CIMAP2: variants seen among roughly 807,000 people sequenced by gnomAD.
The protein encoded by CIMAP2 is ciliary microtubule associated protein 2.
At chr1:54,825,041 CTTTTTTTTTTTTT>C in the CIMAP2 span, among the ~76,000 whole-genome samples, 5 of 59,664 alleles carry the variant, frequency 8.4e-5, no homozygotes, top group African/African-American at 4.2e-4. Flanking sequence ...TAGGGAATTA[CTTTTTTTTTTTTT>C]TTTTTTTTTT....
the CIMAP2 span, among the ~76,000 whole-genome samples, chr1:54,821,753 A>G: frequency 6.6e-6 from 1 of 152,142 alleles, no homozygotes; most frequent in Admixed American, 6.5e-5. Flanking sequence ...TATTCTGACA[A>G]CTTTACTGAA....
the CIMAP2 span, among the ~76,000 whole-genome samples, chr1:54,838,236 A>C: frequency 1.3e-5 from 2 of 152,106 alleles, no homozygotes; most frequent in African/African-American, 4.8e-5. Flanking sequence ...TAATCCCAGC[A>C]CTTTGGGAGG....
At chr1:54,817,913 G>A in the CIMAP2 span, among the ~76,000 whole-genome samples, 1 of 152,204 alleles carries the variant, frequency 6.6e-6, no homozygotes, top group Non-Finnish European at 1.5e-5. Flanking sequence ...GCTGAGGAAG[G>A]AAAGATTTTT....
At chr1:54,823,097 A>G in the CIMAP2 span, among the ~76,000 whole-genome samples, 1 of 152,178 alleles carries the variant, frequency 6.6e-6, no homozygotes, top group Non-Finnish European at 1.5e-5. Flanking sequence ...CATTTGGTCT[A>G]TAGTGTAGAT....
At chr1:54,807,528 C>T in the CIMAP2 span, 206 of 1,551,320 alleles carry the variant, frequency 1.3e-4, 1 homozygote, top group South Asian at 2.1e-3. Flanking sequence ...TGACTCAGTC[C>T]CACATAGGCC....
chr1:54,826,656 G>C, the CIMAP2 span, among the ~76,000 whole-genome samples: 2 of 152,208 alleles, frequency 1.3e-5, no homozygotes, highest in Non-Finnish European at 2.9e-5. Flanking sequence ...CAAGGCCTGA[G>C]GGCTCTCCTG....
chr1:54,835,829 T>A, the CIMAP2 span, among the ~76,000 whole-genome samples: 1 of 151,524 alleles, frequency 6.6e-6, no homozygotes, highest in African/African-American at 2.4e-5. Flanking sequence ...CCAGGACTTC[T>A]CTCTCTCTGT....
At chr1:54,836,108 T>C in the CIMAP2 span, among the ~76,000 whole-genome samples, 2 of 151,718 alleles carry the variant, frequency 1.3e-5, no homozygotes, top group African/African-American at 4.8e-5. Flanking sequence ...CCCCTCTGCA[T>C]GTTTACTCTG....
At chr1:54,822,065 A>G in the CIMAP2 span, among the ~76,000 whole-genome samples, 1 of 136,426 alleles carries the variant, frequency 7.3e-6, no homozygotes, top group Non-Finnish European at 1.6e-5. Context: ...CGCCCGGCTA[A>G]TTTTTTGTAT....
At chr1:54,840,127 C>A in the CIMAP2 span, among the ~76,000 whole-genome samples, 10 of 151,348 alleles carry the variant, frequency 6.6e-5, no homozygotes, top group African/African-American at 2.4e-4. Context: ...TTCCCATCCC[C>A]CTTGTGCTAT....
At chr1:54,839,487 CTT>C in the CIMAP2 span, among the ~76,000 whole-genome samples, 8 of 152,130 alleles carry the variant, frequency 5.3e-5, no homozygotes, top group African/African-American at 1.7e-4. Context: ...AAGCGATTCT[CTT>C]GTCTCAGCCT....
chr1:54,810,544 C>T, the CIMAP2 span, among the ~76,000 whole-genome samples: 1 of 152,184 alleles, frequency 6.6e-6, no homozygotes, highest in Admixed American at 6.5e-5. Context: ...AGTGGCCTGA[C>T]TCCCCACGCA....
the CIMAP2 span, among the ~76,000 whole-genome samples, chr1:54,819,894 C>A: frequency 1.4e-5 from 2 of 139,298 alleles, no homozygotes; most frequent in Non-Finnish European, 3.1e-5. Flanking sequence ...CTTTCCCTTC[C>A]TTCCTTCTTT....
the CIMAP2 span, among the ~76,000 whole-genome samples, chr1:54,818,776 A>G: frequency 6.6e-5 from 10 of 151,918 alleles, no homozygotes; most frequent in Non-Finnish European, 1.3e-4. Flanking sequence ...TATTTTTTGT[A>G]GAGGCCAGGT....
chr1:54,825,565 G>C, the CIMAP2 span, among the ~76,000 whole-genome samples: 1 of 152,164 alleles, frequency 6.6e-6, no homozygotes, highest in African/African-American at 2.4e-5. Flanking sequence ...AGGTGGGCTA[G>C]TCCTCAGGGA....
the CIMAP2 span, among the ~76,000 whole-genome samples, chr1:54,821,030 A>G: frequency 6.6e-6 from 1 of 152,132 alleles, no homozygotes; most frequent in Non-Finnish European, 1.5e-5. Context: ...TGGCCTCCCA[A>G]AGTGCTAAGA....
chr1:54,832,343 T>C, the CIMAP2 span, among the ~76,000 whole-genome samples: 4 of 142,484 alleles, frequency 2.8e-5, no homozygotes, highest in Non-Finnish European at 6.1e-5. Context: ...TCTAAGAAAA[T>C]CTCATTTAAA....
At chr1:54,832,988 C>T in the CIMAP2 span, among the ~76,000 whole-genome samples, 2 of 151,906 alleles carry the variant, frequency 1.3e-5, no homozygotes, top group African/African-American at 4.8e-5. Context: ...GGTTGTGCCA[C>T]CACACTCCAG....
the CIMAP2 span, among the ~76,000 whole-genome samples, chr1:54,816,556 C>T: frequency 6.6e-6 from 1 of 152,128 alleles, no homozygotes; most frequent in Admixed American, 6.5e-5. Context: ...GAAATCAAGG[C>T]GTCTGCAGGT....
Sources: allele counts gnomAD v4.1 joint callset (sites outside exome capture counted in the v4.1 genomes callset), GRCh38; gene constraint gnomAD v4.1.1; transcripts MANE v1.5; gene names NCBI Gene and HGNC (gene_info 2026-07-23, HGNC 2026-07-21).